The following KCNQ1 variants were observed in gnomAD, a reference collection of about 807,000 sequenced individuals.
The protein encoded by KCNQ1 is potassium voltage-gated channel subfamily Q member 1, also known as potassium voltage-gated channel subfamily KQT member 1.
KCNQ1 carries 49 observed loss-of-function variants against 72.4 expected under a neutral mutation model. The ratio of observed to expected loss-of-function variants is 0.68; its 90% CI spans 0.54 to 0.86. The LOEUF is 0.86. KCNQ1 is among the 40% of genes least tolerant of loss of function. The probability of loss-of-function intolerance (pLI) is 0.00; values close to 1 mark genes in which losing one functional copy is unlikely to be tolerated. For missense variants in KCNQ1, 790 were observed against 945.1 expected (o/e 0.84, Z 2.15); for synonymous variants, 450 against 412.6 (o/e 1.09, Z -1.10).
intron 1 of KCNQ1, among the ~76,000 whole-genome samples, chr11:2,490,076 A>G (rs1274198304): frequency 2.0e-5 from 3 of 152,154 alleles, no homozygotes; most frequent in African/African-American, 7.2e-5. Context: ...AGAAGCCTTC[A>G]CCACAAGCTG....
In KCNQ1 at chr11:2,683,050, C is replaced by T; in HGVS notation, c.1514+20969C>T. On this transcript the variant is annotated intron_variant, in intron 11 of 15. Coordinates refer to ENST00000155840, the MANE Select transcript of KCNQ1 (RefSeq NM_000218.3). This position sits in a 1 kb window ranked among gnomAD's most constrained non-coding sequence, Gnocchi z 4.7. ...AGAGGTGACCTTCTCCCACTTCTTA[C>T]AGGCAAGGCTCTTGCTAGCCTGAGG... The T allele has an allele frequency of 2.5e-6, 1 of 398,738 alleles. No individual in the cohort carries two copies. Among genetic ancestry groups the T allele is most frequent in the Non-Finnish European group, 4.4e-6 (1 of 226,134 alleles). 24.7% of individuals were successfully genotyped at this position (398,738 alleles called of 1,614,324 possible). A position where few individuals can be genotyped will look rare whatever the true frequency, so the allele number is the denominator to read the frequency against.
chr11:2,582,015 G>C lies in KCNQ1; in HGVS notation c.922-1420G>C, dbSNP rs1480580538. On this transcript the variant is annotated intron_variant, in intron 6 of 15. Coordinates refer to ENST00000155840, the MANE Select transcript of KCNQ1 (RefSeq NM_000218.3). ...GCGAACGTGCGGTCAGGGCACTAGT[G>C]GGGCAGGGGCCTGGGTGGCGGCCAG... 2.6e-5 allele frequency among the ~76,000 whole-genome samples: 4 copies of C among 152,226 alleles called. No homozygotes were observed. The East Asian group carries it at 5.8e-4, about 22-fold the overall frequency.
rs923902709 is a variant in KCNQ1 at position 2,543,525 on chromosome 11, C to G, written c.477+15507C>G. On this transcript the variant is annotated intron_variant, in intron 2 of 15. Transcript: ENST00000155840. The surrounding 1 kb of genome is among the most constrained non-coding windows in gnomAD (Gnocchi z 5.6). ...CTGGCCTCAAGCGATCCCCTTGCCT[C>G]GGCCTCCCAAAGCGCTGGAATTACA... Among the ~76,000 whole-genome samples, 41 of 152,270 alleles carry G rather than the reference C, an allele frequency of 2.7e-4. No homozygotes were observed. Among genetic ancestry groups the G allele is most frequent in the African/African-American group, 8.4e-4 (35 of 41,556 alleles).
intron 6 of KCNQ1, among the ~76,000 whole-genome samples, chr11:2,580,852 C>G (rs1316297336): frequency 1.3e-5 from 2 of 152,198 alleles, no homozygotes; most frequent in African/African-American, 4.8e-5. Context: ...CTTGGGCCTG[C>G]GCTGGGCTGC....
chr11:2,836,509 C>T (rs1848068061), intron 15 of KCNQ1, among the ~76,000 whole-genome samples: 1 of 152,186 alleles, frequency 6.6e-6, no homozygotes, highest in Non-Finnish European at 1.5e-5. Flanking sequence ...GGGGACCCCT[C>T]CCCCCGAACA....
rs551184861 is a variant in KCNQ1 at position 2,506,880 on chromosome 11, G to A, written c.387-21048G>A. 8.5e-5 allele frequency among the ~76,000 whole-genome samples: 13 copies of A among 152,252 alleles called. No individual in the cohort carries two copies. In the South Asian group the frequency reaches 1.0e-3, roughly 12 times the overall value. On this transcript the variant is annotated intron_variant, in intron 1 of 15. Coordinates refer to ENST00000155840, the MANE Select transcript of KCNQ1 (RefSeq NM_000218.3). ...TCATGTGTGTGTGTATTTGTAAATC[G>A]TCTGTCTTCTCATTTCCAACTTCTT...
At chr11:2,591,352 C>T (rs1417722521) in intron 10 of KCNQ1, among the ~76,000 whole-genome samples, 1 of 152,222 alleles carries the variant, frequency 6.6e-6, no homozygotes, top group East Asian at 1.9e-4. Flanking sequence ...GGGCACCAGG[C>T]TCCCCAGGAC....
Position 2,588,882 on chromosome 11 carries a change from C to T in KCNQ1, c.1393+28C>T, listed in dbSNP as rs754782722. ...GAGAACCCCTCAGGCAGTTGGGGGC[C>T]GCGGGGCCGGGAAGGTCACTGCCTT... On this transcript the variant is annotated intron_variant, in intron 10 of 15. Transcript: ENST00000155840. The surrounding 1 kb of genome is among the most constrained non-coding windows in gnomAD (Gnocchi z 5.6). 1.4e-5 allele frequency: 23 copies of T among 1,609,496 alleles called. No individual in the cohort carries two copies. In the Admixed American group the frequency reaches 1.5e-4, roughly 11 times the overall value.
At chr11:2,718,398 G>A (rs929052519) in intron 11 of KCNQ1, among the ~76,000 whole-genome samples, 14 of 152,196 alleles carry the variant, frequency 9.2e-5, no homozygotes, top group South Asian at 2.1e-4. Flanking sequence ...TCCTGAAGCC[G>A]GAACTTGATC....
chr11:2,465,038 A>C (rs981333443), intron 1 of KCNQ1, among the ~76,000 whole-genome samples: 1 of 152,116 alleles, frequency 6.6e-6, no homozygotes, highest in Admixed American at 6.5e-5. Context: ...CCATCTGTAA[A>C]ATGGGTAACG....
At position 2,696,038 on chromosome 11, in the gene KCNQ1, C is replaced by A. The variant is rs1850670949; in HGVS notation, c.1514+33957C>A. ...TAAAAGTGAAAAACGCAAATTGTTT[C>A]CTTAGTATTATTATGAAAACAGTCT... On this transcript the variant is annotated intron_variant, in intron 11 of 15. Coordinates refer to ENST00000155840, the MANE Select transcript of KCNQ1 (RefSeq NM_000218.3). 3 of 398,528 alleles carry A rather than the reference C, an allele frequency of 7.5e-6. No individual in the cohort carries two copies. The South Asian group carries it at 3.8e-4, about 51-fold the overall frequency. 24.7% of individuals were successfully genotyped at this position (398,528 alleles called of 1,614,324 possible).
rs192062676 is a variant in KCNQ1, at chr11:2,493,796, T to A, written c.387-34132T>A. On this transcript the variant is annotated intron_variant, in intron 1 of 15. Coordinates refer to ENST00000155840, the MANE Select transcript of KCNQ1 (RefSeq NM_000218.3). The surrounding 1 kb of genome is among the most constrained non-coding windows in gnomAD (Gnocchi z 5.3). ...TCAGGTAGTGTGATGCCTCCAGCTT[T>A]GTTCTTTTTACTTAGGATTGTCTTG... is the stretch of plus-strand genomic sequence containing the variant. Among the ~76,000 whole-genome samples the A allele has an allele frequency of 2.3e-3, 346 of 152,338 alleles. 1 individual carries two copies. The highest frequency in any genetic ancestry group is 8.0e-3 in the African/African-American group (331 of 41,592).
chr11:2,624,627 A>G lies in KCNQ1; in HGVS notation c.1393+35773A>G, dbSNP rs1216162234. On this transcript the variant is annotated intron_variant, in intron 10 of 15. Coordinates refer to ENST00000155840, the MANE Select transcript of KCNQ1 (RefSeq NM_000218.3). This position sits in a 1 kb window ranked among gnomAD's most constrained non-coding sequence, Gnocchi z 4.9. ...CCTAACCAATTTTAGTGTACAATTC[A>G]GTGAATGTATTAGATACGTTCACAA... 5.5e-5 allele frequency: 22 copies of G among 398,464 alleles called. No individual in the cohort carries two copies. The highest frequency in any genetic ancestry group is 9.3e-5 in the Non-Finnish European group (21 of 226,044). The allele number at this position is 398,464 out of a possible 1,614,324, so 24.7% of individuals were successfully genotyped here.
rs1850173141 is a variant in KCNQ1 at position 2,670,986 on chromosome 11, A to G, written c.1514+8905A>G. ...CCCCAGAGCCCCTGGCTAGGCATTC[A>G]TGCTTTAGATATGTGGGCCCTGTTA... On this transcript the variant is annotated intron_variant, in intron 11 of 15. Transcript: ENST00000155840. This position sits in a 1 kb window ranked among gnomAD's most constrained non-coding sequence, Gnocchi z 4.9. The G allele has an allele frequency of 1.0e-5, 4 of 398,590 alleles. No individual in the cohort carries two copies. Among genetic ancestry groups the G allele is most frequent in the Non-Finnish European group, 1.8e-5 (4 of 226,086 alleles). The allele number at this position is 398,590 out of a possible 1,614,324, so 24.7% of individuals were successfully genotyped here. A position where few individuals can be genotyped will look rare whatever the true frequency, so the allele number is the denominator to read the frequency against.
intron 10 of KCNQ1, chr11:2,632,393 C>T (rs1849374990): frequency 2.5e-6 from 1 of 398,394 alleles, no homozygotes; most frequent in Non-Finnish European, 4.4e-6. Context: ...TAGAAAGCCA[C>T]TACTATGTTT....
intron 11 of KCNQ1, among the ~76,000 whole-genome samples, chr11:2,722,979 G>A (rs1476010023): frequency 2.6e-5 from 4 of 152,208 alleles, no homozygotes; most frequent in African/African-American, 9.7e-5. Context: ...CTGCCACCTG[G>A]GGTGCCTCGG....
intron 15 of KCNQ1, among the ~76,000 whole-genome samples, chr11:2,780,750 G>C (rs894573282): frequency 6.6e-6 from 1 of 152,176 alleles, no homozygotes; most frequent in Non-Finnish European, 1.5e-5. Context: ...CTTGTTCAGG[G>C]CTGCCTCAGT....
intron 10 of KCNQ1, among the ~76,000 whole-genome samples, chr11:2,605,896 T>C (rs1459015900): frequency 1.3e-5 from 2 of 152,226 alleles, no homozygotes; most frequent in Admixed American, 1.3e-4. Flanking sequence ...CAATATTAAG[T>C]CTTCCAGTCT....
At chr11:2,636,433 T>C (rs1283587364) in intron 10 of KCNQ1, 1 of 152,180 alleles carries the variant, frequency 6.6e-6, no homozygotes, top group Non-Finnish European at 1.5e-5. Flanking sequence ...TCTGCATCTA[T>C]TGAGATAATC....
Sources: gnomAD v4.1 joint callset for allele counts (sites outside exome capture counted in the v4.1 genomes callset) on GRCh38, gnomAD v4.1.1 for gene constraint, Gnocchi (gnomAD v3.1) non-coding constraint, MANE v1.5 for transcripts, NCBI Gene and HGNC (gene_info 2026-07-23, HGNC 2026-07-21) for gene names.